BTBD9: variants seen among roughly 807,000 people sequenced by gnomAD.
BTBD9 encodes BTB domain containing 9.
BTBD9 carries 49 observed loss-of-function variants against 64.3 expected under a neutral mutation model. That is an observed-to-expected ratio of 0.76 (90% confidence interval 0.61 to 0.97). The LOEUF is 0.97. Ranked by LOEUF, BTBD9 falls within the 50% of genes least tolerant of loss-of-function variation. The probability of loss-of-function intolerance (pLI) is 0.00; values close to 1 mark genes in which losing one functional copy is unlikely to be tolerated. For synonymous variants in BTBD9, 260 were observed against 274.7 expected, an observed-to-expected ratio of 0.95 and a Z score of 0.53; for missense variants, 598 against 762.1, an observed-to-expected ratio of 0.78 and a Z score of 2.53.
chr6:38,452,476 A>G (rs904129532), intron 6 of BTBD9, among the ~76,000 whole-genome samples: 4 of 152,150 alleles, frequency 2.6e-5, no homozygotes, highest in African/African-American at 7.2e-5. Flanking sequence ...ATGGATCAGA[A>G]GGAAATTAAC....
At chr6:38,551,654 CAG>C (rs1328934081) in intron 6 of BTBD9, among the ~76,000 whole-genome samples, 1 of 152,156 alleles carries the variant, frequency 6.6e-6, no homozygotes, top group African/African-American at 2.4e-5. Context: ...CAAAGCCAGG[CAG>C]ACTGACTCTA....
At chr6:38,511,505 G>A (rs930628841) in intron 6 of BTBD9, among the ~76,000 whole-genome samples, 1 of 151,858 alleles carries the variant, frequency 6.6e-6, no homozygotes, top group African/African-American at 2.4e-5. Flanking sequence ...ACCACGCCTG[G>A]CTAATTATTT....
intron 9 of BTBD9, among the ~76,000 whole-genome samples, chr6:38,246,602 T>TAAA (rs200796873): frequency 4.8e-5 from 7 of 144,524 alleles, no homozygotes; most frequent in Non-Finnish European, 1.1e-4. Context: ...GTTTGCCCTT[T>TAAA]AAAAAAAAAA....
chr6:38,206,875 T>C (rs1392666972), intron 9 of BTBD9, among the ~76,000 whole-genome samples: 1 of 152,102 alleles, frequency 6.6e-6, no homozygotes, highest in East Asian at 1.9e-4. Context: ...AAGAGATGAA[T>C]ATGTTTGCCT....
At chr6:38,353,543 A>T (rs957465599) in intron 6 of BTBD9, among the ~76,000 whole-genome samples, 1 of 152,190 alleles carries the variant, frequency 6.6e-6, no homozygotes, top group African/African-American at 2.4e-5. Context: ...CCATATGGGA[A>T]TAATTTTAAC....
intron 1 of BTBD9, among the ~76,000 whole-genome samples, chr6:38,634,160 A>G (rs1399385363): frequency 2.0e-5 from 3 of 152,242 alleles, no homozygotes; most frequent in Non-Finnish European, 4.4e-5. Context: ...TGAAGCTCCA[A>G]TTTAACTCCA....
At chr6:38,426,363 G>A (rs984811494) in intron 6 of BTBD9, among the ~76,000 whole-genome samples, 1 of 151,926 alleles carries the variant, frequency 6.6e-6, no homozygotes, top group Non-Finnish European at 1.5e-5. Context: ...ACAAGGATCG[G>A]GATATAAACC....
intron 1 of BTBD9, among the ~76,000 whole-genome samples, chr6:38,623,139 A>C (rs931912201): frequency 4.6e-5 from 7 of 152,170 alleles, no homozygotes; most frequent in African/African-American, 1.7e-4. Context: ...ATACACAACC[A>C]GTTCTGTCTA....
At chr6:38,370,000 G>A (rs906208050) in intron 6 of BTBD9, among the ~76,000 whole-genome samples, 4 of 152,228 alleles carry the variant, frequency 2.6e-5, no homozygotes, top group East Asian at 3.8e-4. Flanking sequence ...ACATCAGCTC[G>A]TGAGCGCTTT....
intron 9 of BTBD9, among the ~76,000 whole-genome samples, chr6:38,193,045 T>G (rs1388170032): frequency 2.1e-5 from 3 of 145,248 alleles, no homozygotes; most frequent in Non-Finnish European, 3.1e-5. Flanking sequence ...TCCTAGAACT[T>G]GGAGTATAAT....
At chr6:38,484,049 G>C (rs1458540718) in intron 6 of BTBD9, among the ~76,000 whole-genome samples, 1 of 152,226 alleles carries the variant, frequency 6.6e-6, no homozygotes, top group African/African-American at 2.4e-5. Context: ...TCCAGGCACA[G>C]TGTTTAGTAT....
chr6:38,538,147 CTT>C (rs1774108506), intron 6 of BTBD9, among the ~76,000 whole-genome samples: 1 of 152,216 alleles, frequency 6.6e-6, no homozygotes, highest in African/African-American at 2.4e-5. Context: ...CAAAACCACT[CTT>C]TGCAAATTTA....
At chr6:38,563,565 G>C (rs1292896888) in intron 6 of BTBD9, among the ~76,000 whole-genome samples, 3 of 151,994 alleles carry the variant, frequency 2.0e-5, no homozygotes, top group Non-Finnish European at 4.4e-5. Context: ...CTGCATTTTT[G>C]ATAGACTACC....
intron 7 of BTBD9, among the ~76,000 whole-genome samples, chr6:38,335,468 G>T (rs929697556): frequency 6.6e-6 from 1 of 151,928 alleles, no homozygotes. Flanking sequence ...GGCCAGGCTG[G>T]TCTTGAACTC....
At chr6:38,375,955 G>GAAAGAAAGAAAGAAAA (rs1765680641) in intron 6 of BTBD9, among the ~76,000 whole-genome samples, 4 of 143,464 alleles carry the variant, frequency 2.8e-5, no homozygotes, top group African/African-American at 8.1e-5. Context: ...AAGAAGGAAA[G>GAAAGAAAGAAAGAAAA]AAAGAAAGAA....
chr6:38,264,616 C>T (rs1181406925), intron 8 of BTBD9, among the ~76,000 whole-genome samples: 1 of 152,124 alleles, frequency 6.6e-6, no homozygotes, highest in African/African-American at 2.4e-5. Flanking sequence ...ACAACTCTGC[C>T]GGTGAGAAAG....
At chr6:38,408,565 A>T (rs1212508926) in intron 6 of BTBD9, among the ~76,000 whole-genome samples, 1 of 152,214 alleles carries the variant, frequency 6.6e-6, no homozygotes, top group Non-Finnish European at 1.5e-5. Context: ...CCTTAGCCTT[A>T]CATCATGAGA....
chr6:38,425,927 T>TATAC (rs71543926), intron 6 of BTBD9, among the ~76,000 whole-genome samples: 1 of 136,988 alleles, frequency 7.3e-6, no homozygotes, highest in Non-Finnish European at 1.6e-5. Flanking sequence ...AAGAAACACA[T>TATAC]ACACACACAC....
At chr6:38,276,429 C>T (rs1456799611) in intron 8 of BTBD9, among the ~76,000 whole-genome samples, 1 of 151,884 alleles carries the variant, frequency 6.6e-6, no homozygotes, top group Non-Finnish European at 1.5e-5. Flanking sequence ...AGTACACCGA[C>T]ATGGCACATG....
Sources: gnomAD v4.1 joint callset for allele counts (sites outside exome capture counted in the v4.1 genomes callset) on GRCh38, gnomAD v4.1.1 for gene constraint, MANE v1.5 for transcripts, NCBI Gene and HGNC (gene_info 2026-07-23, HGNC 2026-07-21) for gene names.